UBE3C: variants seen among roughly 807,000 people sequenced by gnomAD.
UBE3C encodes the protein ubiquitin protein ligase E3C, also known as ubiquitin-protein ligase E3C.
A neutral mutation model predicts 129.4 loss-of-function variants in UBE3C; 42 were observed. That is an observed-to-expected ratio of 0.32 (90% confidence interval 0.25 to 0.42). UBE3C has a LOEUF of 0.42. Ranked by LOEUF, UBE3C falls within the 10% of genes least tolerant of loss-of-function variation. The pLI, the probability that UBE3C is intolerant of heterozygous loss-of-function variation, is 1.00. For synonymous variants in UBE3C, 510 were observed against 492.4 expected (o/e 1.04, Z -0.47); for missense variants, 1,049 against 1,319.1 (o/e 0.80, Z 3.17).
At chr7:157,224,775 T>TAC (rs34300175) in intron 16 of UBE3C, among the ~76,000 whole-genome samples, 79,433 of 146,660 alleles carry the variant, frequency 0.54, 22,466 homozygotes, top group Non-Finnish European at 0.64. Flanking sequence ...TGCACGTGCG[T>TAC]ACACACACAC....
At chr7:157,216,778 G>T (rs1795586644) in intron 13 of UBE3C, 89 bp from the exon 14 acceptor site, 1 of 1,038,990 alleles carries the variant, frequency 9.6e-7, no homozygotes, top group Non-Finnish European at 1.5e-6. Flanking sequence ...CACCACCGCT[G>T]TGTGCTCCTC....
At chr7:157,172,541 C>G (rs186217429) in intron 4 of UBE3C, among the ~76,000 whole-genome samples, 1 of 152,212 alleles carries the variant, frequency 6.6e-6, no homozygotes, top group East Asian at 1.9e-4. Flanking sequence ...AGCATTGCCT[C>G]CAGAGTTGAG....
At position 157,253,991 on chromosome 7, in the gene UBE3C, T is replaced by C; in HGVS notation, c.2732T>C (p.Val911Ala). 1.9e-6 allele frequency: 3 copies of C among 1,602,326 alleles called. No individual in the cohort carries two copies. The highest frequency in any genetic ancestry group is 1.7e-6 in the Non-Finnish European group (2 of 1,173,450). The change falls in exon 20 of 23, where the codon GTC becomes GCC. Residue 911 changes from valine to alanine, a missense_variant. Val to Ala is a moderately conservative substitution (Grantham distance 64). This residue lies in a region of UBE3C where 243 missense variants were observed against 368.7 expected (regional missense o/e 0.66). Transcript: ENST00000348165. ...AAATTCGGTGGGAAAGACATCCCTGTCACCAGCGCCAACCGGATTGCGTAC... is the reference window on the plus strand; with the variant it reads ...AAATTCGGTGGGAAAGACATCCCTGCCACCAGCGCCAACCGGATTGCGTAC... Reference protein sequence around the residue: ...ELKFGGKDIPVTSANRIAYIH... With the variant: ...ELKFGGKDIPATSANRIAYIH...
intron 1 of UBE3C, chr7:157,139,956 C>G (rs1807391653): frequency 8.1e-6 from 8 of 984,824 alleles, no homozygotes; most frequent in Non-Finnish European, 9.6e-6. Flanking sequence ...CACCAGCCTC[C>G]TGGAAACTGT....
At chr7:157,202,883 T>C (rs1809329905) in intron 11 of UBE3C, among the ~76,000 whole-genome samples, 1 of 152,182 alleles carries the variant, frequency 6.6e-6, no homozygotes, top group Admixed American at 6.5e-5. Flanking sequence ...TAGAAAGTGG[T>C]CTTGTTTTCT....
intron 1 of UBE3C, among the ~76,000 whole-genome samples, chr7:157,143,473 G>A (rs1177842730): frequency 6.6e-6 from 1 of 152,212 alleles, no homozygotes; most frequent in Non-Finnish European, 1.5e-5. Flanking sequence ...GGAGCTGGGT[G>A]CACTCCCTTC....
In UBE3C at chr7:157,201,775, A is replaced by G; in HGVS notation, c.1386A>G (p.Leu462=). The G allele has an allele frequency of 6.2e-7, 1 of 1,611,370 alleles. No individual in the cohort carries two copies. Among genetic ancestry groups the G allele is most frequent in the Non-Finnish European group, 8.5e-7 (1 of 1,179,234 alleles). The part of the protein sequence containing the change: ...NARFLRHLWF[L]ISSMSTRMIT... ...GGTTTCTGAGACATCTTTGGTTTCTAATATCTTCCATGTCAACACGGATGA... is the reference window on the plus strand; with the variant it reads ...GGTTTCTGAGACATCTTTGGTTTCTGATATCTTCCATGTCAACACGGATGA... The change falls in exon 11 of 23, where the codon CTA becomes CTG. Residue 462 remains leucine, a synonymous_variant. Transcript: ENST00000348165.
In UBE3C at chr7:157,186,923, G is replaced by A; in HGVS notation, c.1233G>A (p.Leu411=). Residue 411 remains leucine (L), a synonymous_variant, in exon 10 of 23, where the codon CTG becomes CTA. Coordinates refer to ENST00000348165, the MANE Select transcript of UBE3C (RefSeq NM_014671.3). ...AGCAGACCAACACCCTGCTCAACCT[G>A]GTGTGGAGGGACTCTGCGAGCGAGG... is the stretch of plus-strand genomic sequence containing the variant. ...TKQQTNTLLN[L]VWRDSASEEV... 6.2e-7 allele frequency: 1 copy of A among 1,614,136 alleles called. No homozygotes were observed. Among genetic ancestry groups the A allele is most frequent in the Non-Finnish European group, 8.5e-7 (1 of 1,180,010 alleles).
intron 4 of UBE3C, among the ~76,000 whole-genome samples, chr7:157,171,682 ATATATTTTTTTTTTTTTTTTTTT>A (rs1460607299): frequency 0.029 from 1,303 of 44,924 alleles, 44 homozygotes; most frequent in East Asian, 0.041. Flanking sequence ...ATATATATAT[ATATATTTTTTTTTTTTTTTTTTT>A]TTTTTTTTTT....
rs1338421029 is a variant in UBE3C at position 157,139,202 on chromosome 7, G to A, written c.-71G>A. Reference sequence around the variant, plus strand: ...GCGGGCGGGCGCCGAGAGCCTCCCAGCCCGCCCCGTGCCCCGCCCGCCCGG... The same window carrying A: ...GCGGGCGGGCGCCGAGAGCCTCCCAACCCGCCCCGTGCCCCGCCCGCCCGG... On this transcript the variant is annotated 5_prime_UTR_variant, in exon 1 of 23. Coordinates refer to ENST00000348165, the MANE Select transcript of UBE3C (RefSeq NM_014671.3). The A allele has an allele frequency of 3.3e-6, 4 of 1,223,770 alleles. No individual in the cohort carries two copies. The East Asian group carries it at 1.6e-4, about 50-fold the overall frequency. 75.8% of individuals were successfully genotyped at this position (1,223,770 alleles called of 1,614,324 possible).
chr7:157,141,430 G>A (rs1409832341), intron 1 of UBE3C, among the ~76,000 whole-genome samples: 1 of 152,174 alleles, frequency 6.6e-6, no homozygotes, highest in African/African-American at 2.4e-5. Flanking sequence ...CCGTCCTAGA[G>A]TGCACTTAAC....
At chr7:157,146,213 A>G (rs1005559394) in intron 1 of UBE3C, among the ~76,000 whole-genome samples, 2 of 152,014 alleles carry the variant, frequency 1.3e-5, no homozygotes, top group African/African-American at 4.8e-5. Flanking sequence ...TCCTTTGTCA[A>G]AGATCAGTTG....
At chr7:157,261,379 G>GACC (rs1796910419) in intron 22 of UBE3C, among the ~76,000 whole-genome samples, 1 of 132,828 alleles carries the variant, frequency 7.5e-6, no homozygotes, top group Non-Finnish European at 1.6e-5. Flanking sequence ...CCCCAGTCAA[G>GACC]ACCCCGCACA....
intron 19 of UBE3C, among the ~76,000 whole-genome samples, chr7:157,251,459 C>G (rs989631425): frequency 6.6e-6 from 1 of 152,172 alleles, no homozygotes; most frequent in African/African-American, 2.4e-5. Flanking sequence ...ACTTGAGTCA[C>G]GACACCTTGG....
intron 22 of UBE3C, among the ~76,000 whole-genome samples, chr7:157,264,819 G>A (rs767646337): frequency 3.3e-5 from 5 of 152,106 alleles, no homozygotes; most frequent in Non-Finnish European, 5.9e-5. Flanking sequence ...TGATCCACCC[G>A]TTGTGGCCTC....
chr7:157,145,465 C>T (rs1807579377), intron 1 of UBE3C, among the ~76,000 whole-genome samples: 1 of 152,118 alleles, frequency 6.6e-6, no homozygotes, highest in African/African-American at 2.4e-5. Context: ...TTGCAGTTAG[C>T]TGAGATCACG....
chr7:157,253,909 A>G (rs1408654471), intron 19 of UBE3C, 45 bp from the exon 20 acceptor site: 5 of 1,508,076 alleles, frequency 3.3e-6, no homozygotes, highest in Middle Eastern at 3.5e-4. Flanking sequence ...TTAACCTATT[A>G]TCATACTTTG....
At chr7:157,249,042 G>A (rs944448589) in intron 19 of UBE3C, among the ~76,000 whole-genome samples, 19 of 152,150 alleles carry the variant, frequency 1.2e-4, no homozygotes, top group Non-Finnish European at 2.5e-4. Flanking sequence ...AAAAAGAAAG[G>A]TCTATATTAG....
chr7:157,201,668 T>TTA, intron 10 of UBE3C, 53 bp from the exon 11 acceptor site: 1 of 841,470 alleles, frequency 1.2e-6, no homozygotes, highest in African/African-American at 1.8e-5. Context: ...TAAGAAATGT[T>TTA]TTGAATAAGT....
Sources: allele counts gnomAD v4.1 joint callset (sites outside exome capture counted in the v4.1 genomes callset), GRCh38; gene constraint gnomAD v4.1.1; regional missense constraint gnomAD v4.1.1; transcripts MANE v1.5; gene names NCBI Gene and HGNC (gene_info 2026-07-23, HGNC 2026-07-21).